The following TTYH2 variants were observed in gnomAD, a reference collection of about 807,000 sequenced individuals.
TTYH2 encodes protein tweety homolog 2.
TTYH2 carries 49 observed loss-of-function variants against 68.3 expected under a neutral mutation model. The observed-to-expected ratio is 0.72, with a 90% CI of 0.57 to 0.91. The LOEUF (loss-of-function observed/expected upper bound fraction) is 0.91, where lower values mean the gene tolerates loss of function less well. TTYH2 is among the 40% of genes least tolerant of loss of function. The pLI is 0.00. For missense variants in TTYH2, 631 were observed against 700.4 expected (o/e 0.90, Z 1.12); for synonymous variants, 272 against 300.8 (o/e 0.90, Z 0.99).
chr17:74,257,493 C>G (rs1487719215), intron 13 of TTYH2, among the ~76,000 whole-genome samples: 2 of 152,304 alleles, frequency 1.3e-5, no homozygotes, highest in East Asian at 3.9e-4. Context: ...GGCGCCTGCT[C>G]TAAACACTCC....
At chr17:74,250,448 C>T (rs147304485) in intron 10 of TTYH2, 91 bp downstream of exon 10, 72 of 1,097,104 alleles carry the variant, frequency 6.6e-5, no homozygotes, top group Non-Finnish European at 8.6e-5. Flanking sequence ...CCGAGGGGAG[C>T]GATGGCCTGG....
chr17:74,213,948 G>A lies in TTYH2; in HGVS notation c.129+232G>A, dbSNP rs942681188. 1.9e-4 allele frequency among the ~76,000 whole-genome samples: 29 copies of A among 152,090 alleles called. 1 individual carries two copies. The highest frequency in any genetic ancestry group is 2.4e-4 in the Non-Finnish European group (16 of 68,026). On this transcript the variant is annotated intron_variant, in intron 1 of 13. Transcript: ENST00000269346. The surrounding 1 kb of genome is among the most constrained non-coding windows in gnomAD (Gnocchi z 6.1). Reference sequence around the variant, plus strand: ...GGAAAACTGAAGAGATCAGAGTGAAGCGAGCGTGGGGAAGGGGAGGAAGGG... The same window carrying A: ...GGAAAACTGAAGAGATCAGAGTGAAACGAGCGTGGGGAAGGGGAGGAAGGG...
rs1390011572 is a variant in TTYH2, at chr17:74,222,907, C to T, written c.302+250C>T. 6.6e-6 allele frequency among the ~76,000 whole-genome samples: 1 copy of T among 152,064 alleles called. No homozygotes were observed. Among genetic ancestry groups the T allele is most frequent in the African/African-American group, 2.4e-5 (1 of 41,396 alleles). The stretch of plus-strand genomic sequence containing the variant: ...CCCCAATGTGGGTTTGTCCTGTGCC[C>T]AGCAGCTGTGCAGGCAGCATTTCTG... On this transcript the variant is annotated intron_variant, in intron 2 of 13. Coordinates refer to ENST00000269346, the MANE Select transcript of TTYH2 (RefSeq NM_032646.6). This position sits in a 1 kb window ranked among gnomAD's most constrained non-coding sequence, Gnocchi z 5.2.
At chr17:74,248,222 G>A in intron 6 of TTYH2, 1 of 972,468 alleles carries the variant, frequency 1.0e-6, no homozygotes. Context: ...GGCTGCTCTG[G>A]AAGGCGGAGG....
At position 74,237,499 on chromosome 17, in the gene TTYH2, A is replaced by G. The variant is rs2050455855; in HGVS notation, c.620A>G (p.Tyr207Cys). The change falls in exon 4 of 14, where the codon TAC (tyrosine) becomes TGC (cysteine). Residue 207 changes from tyrosine to cysteine, a missense_variant. Transcript: ENST00000269346. ...ACCAAGCTATCCGACCAGACTGGCT[A>G]CGTGGAGTACTACAGGTGAAGGACC... ...ELTKLSDQTG[Y>C]VEYYRWLSYL... The G allele has an allele frequency of 1.2e-6, 2 of 1,612,190 alleles. No homozygotes were observed. Among genetic ancestry groups the G allele is most frequent in the South Asian group, 2.2e-5 (2 of 90,898 alleles).
In TTYH2 at chr17:74,253,405, A is replaced by T. The variant is rs962062921; in HGVS notation, c.1445+139A>T. On this transcript the variant is annotated intron_variant, in intron 12 of 13. Transcript: ENST00000269346. ...CTACAGCCACAGGGTGCCTGGAGGGAAGGCCCCCGGGGAGCATCTAGTCAC... is the reference window on the plus strand; with the variant it reads ...CTACAGCCACAGGGTGCCTGGAGGGTAGGCCCCCGGGGAGCATCTAGTCAC... The T allele has an allele frequency of 1.1e-5, 12 of 1,063,354 alleles. No individual in the cohort carries two copies. In the African/African-American group the frequency reaches 1.8e-4, roughly 16 times the overall value. The allele number at this position is 1,063,354 out of a possible 1,614,324, so 65.9% of individuals were successfully genotyped here.
In TTYH2 at chr17:74,260,194, T is replaced by G; in HGVS notation, c.1590T>G (p.Asn530Lys). The G allele has an allele frequency of 6.2e-7, 1 of 1,613,942 alleles. No homozygotes were observed. Among genetic ancestry groups the G allele is most frequent in the East Asian group, 2.2e-5 (1 of 44,866 alleles). The change falls in exon 14 of 14, where the codon AAT becomes AAG. Residue 530 changes from asparagine to lysine, a missense_variant. Physicochemically the swap from Asn to Lys is moderately conservative, Grantham distance 94. Coordinates refer to ENST00000269346, the MANE Select transcript of TTYH2 (RefSeq NM_032646.6). ...VADEHLRHYG[N>K]QFPA is the part of the protein sequence containing the mutation. The stretch of plus-strand genomic sequence containing the variant: ...ATGAGCACCTGAGGCACTACGGGAA[T>G]CAGTTTCCAGCCTAACAGACTTTCG...
At position 74,239,366 on chromosome 17, in the gene TTYH2, A is replaced by T. The variant is rs2050476961; in HGVS notation, c.635+1852A>T. 6.6e-6 allele frequency among the ~76,000 whole-genome samples: 1 copy of T among 152,214 alleles called. No homozygotes were observed. Among genetic ancestry groups the T allele is most frequent in the Non-Finnish European group, 1.5e-5 (1 of 68,038 alleles). On this transcript the variant is annotated intron_variant, in intron 4 of 13. Transcript: ENST00000269346. The surrounding 1 kb of genome is among the most constrained non-coding windows in gnomAD (Gnocchi z 5.3). ...GTGGGGAGGGGAAGCATGAGTCAGG[A>T]GGAGCGAGTGTCAGTTCTTTGGATC...
At chr17:74,221,961 G>A (rs889589483) in intron 1 of TTYH2, among the ~76,000 whole-genome samples, 1 of 152,178 alleles carries the variant, frequency 6.6e-6, no homozygotes, top group African/African-American at 2.4e-5. Context: ...GGGACAGCGG[G>A]GTCCTTGCAT....
At chr17:74,260,042 T>C in intron 13 of TTYH2, 87 bp from the exon 14 acceptor site, 1 of 1,228,932 alleles carries the variant, frequency 8.1e-7, no homozygotes, top group Non-Finnish European at 1.2e-6. Context: ...CCCGACCCAG[T>C]TCCACTCTGA....
intron 2 of TTYH2, among the ~76,000 whole-genome samples, chr17:74,228,892 T>G (rs1041237429): frequency 4.6e-5 from 7 of 152,050 alleles, no homozygotes; most frequent in Non-Finnish European, 1.0e-4. Context: ...TGGGCAAGGG[T>G]CTGAAACCTT....
intron 4 of TTYH2, among the ~76,000 whole-genome samples, chr17:74,240,322 C>A (rs1265418036): frequency 3.3e-5 from 5 of 152,120 alleles, no homozygotes; most frequent in African/African-American, 1.2e-4. Flanking sequence ...GCCTGTAGTC[C>A]CAGCTACTTG....
chr17:74,218,420 C>T (rs1598211806), intron 1 of TTYH2, among the ~76,000 whole-genome samples: 1 of 152,008 alleles, frequency 6.6e-6, no homozygotes, highest in East Asian at 1.9e-4. Flanking sequence ...TGCCTGTAAT[C>T]CCAGCAGTTT....
intron 4 of TTYH2, among the ~76,000 whole-genome samples, chr17:74,238,257 G>C (rs199947010): frequency 6.6e-6 from 1 of 152,206 alleles, no homozygotes; most frequent in East Asian, 1.9e-4. Context: ...ATGGGGGGTT[G>C]AGGAGATGAG....
intron 6 of TTYH2, chr17:74,248,658 A>G: frequency 8.7e-7 from 1 of 1,150,588 alleles, no homozygotes; most frequent in Non-Finnish European, 1.1e-6. Flanking sequence ...GGGGCCCAGG[A>G]TGCTGGCCCC....
rs5822029 is a variant in TTYH2, at chr17:74,215,170, CGT to C, written c.129+1487_129+1488del. 0.27 allele frequency among the ~76,000 whole-genome samples: 39,143 copies of C among 146,890 alleles called. 5,208 individuals carry two copies. Among genetic ancestry groups the C allele is most frequent in the East Asian group, 0.43 (2,139 of 4,930 alleles). On this transcript the variant is annotated intron_variant, in intron 1 of 13. Coordinates refer to ENST00000269346, the MANE Select transcript of TTYH2 (RefSeq NM_032646.6). The surrounding 1 kb of genome is among the most constrained non-coding windows in gnomAD (Gnocchi z 4.3). Reference sequence around the variant, plus strand: ...AGGCGGATATGATTTCAGAAACAGCCGTGTGTGTGTGTGTGTGTGTGTGTGTG... The same window carrying C: ...AGGCGGATATGATTTCAGAAACAGCCGTGTGTGTGTGTGTGTGTGTGTGTG...
Position 74,243,977 on chromosome 17 carries a change from G to A in TTYH2, c.732G>A (p.Ser244=), listed in dbSNP as rs1393271146. ...ACGTTGTCGCCTGCCTCTCTCCTAG[G>A]ATGCTGTGCTGTGGGGCACTGAGCC... ...LAKRSKCLLA[S]MLCCGALSLL... The change falls in exon 6 of 14, where the codon TCG becomes TCA. Residue 244 remains serine, a splice_region_variant and synonymous_variant. Transcript: ENST00000269346. 6.2e-7 allele frequency: 1 copy of A among 1,611,816 alleles called. No individual in the cohort carries two copies. Among genetic ancestry groups the A allele is most frequent in the Non-Finnish European group, 8.5e-7 (1 of 1,179,858 alleles).
chr17:74,254,003 G>A (rs1409625392), intron 13 of TTYH2, among the ~76,000 whole-genome samples, 170 bp downstream of exon 13: 3 of 152,140 alleles, frequency 2.0e-5, no homozygotes, highest in East Asian at 1.9e-4. Flanking sequence ...TAAGGAGATT[G>A]CAAAGATGCA....
chr17:74,222,575 C>A lies in TTYH2; in HGVS notation c.220C>A (p.Arg74=), dbSNP rs759596181. The change falls in exon 2 of 14, where the codon CGG becomes AGG. Residue 74 remains arginine, a synonymous_variant. Coordinates refer to ENST00000269346, the MANE Select transcript of TTYH2 (RefSeq NM_032646.6). The surrounding 1 kb of genome is among the most constrained non-coding windows in gnomAD (Gnocchi z 5.2). ...TTACCTGGTCTGTGCATGCCACTGCCGGCGGGACGATGCGGTGCAGACCAA... is the reference window on the plus strand; with the variant it reads ...TTACCTGGTCTGTGCATGCCACTGCAGGCGGGACGATGCGGTGCAGACCAA... ...VAYLVCACHC[R]RDDAVQTKQH... 1 of 1,612,600 alleles carries A rather than the reference C, an allele frequency of 6.2e-7. No homozygotes were observed. Among genetic ancestry groups the A allele is most frequent in the Admixed American group, 1.7e-5 (1 of 60,028 alleles).
Sources: allele counts gnomAD v4.1 joint callset (sites outside exome capture counted in the v4.1 genomes callset), GRCh38; gene constraint gnomAD v4.1.1; non-coding constraint Gnocchi (gnomAD v3.1); transcripts MANE v1.5; gene names NCBI Gene and HGNC (gene_info 2026-07-23, HGNC 2026-07-21).